CHODL: variants seen among roughly 807,000 people sequenced by gnomAD.
The protein encoded by CHODL is transmembrane protein MT75.
CHODL carries 29 observed loss-of-function variants against 34.5 expected under a neutral mutation model. The observed-to-expected ratio is 0.84, with a 90% CI of 0.63 to 1.15. The LOEUF is 1.15. Among genes scored for constraint, CHODL ranks in the 50% most tolerant of loss-of-function variants. CHODL has a pLI of 0.00. For synonymous variants in CHODL, 125 were observed against 116.1 expected, an observed-to-expected ratio of 1.08 and a Z score of -0.49; for missense variants, 332 against 332.5, an observed-to-expected ratio of 1.00 and a Z score of 0.01.
At chr21:18,250,554 A>C (rs1376061746) in intron 1 of CHODL, among the ~76,000 whole-genome samples, 1 of 152,002 alleles carries the variant, frequency 6.6e-6, no homozygotes, top group Non-Finnish European at 1.5e-5. Context: ...TGTAAAAATA[A>C]AAGTTTATTA....
chr21:18,200,790 C>T (rs188363053), intron 2 of CHODL, among the ~76,000 whole-genome samples: 11 of 152,034 alleles, frequency 7.2e-5, no homozygotes, highest in African/African-American at 2.7e-4. Context: ...GCCTTAAATC[C>T]GATGACTTGT....
intron 2 of CHODL, among the ~76,000 whole-genome samples, chr21:18,176,452 A>T (rs1435763651): frequency 3.3e-5 from 5 of 152,214 alleles, no homozygotes; most frequent in Admixed American, 2.6e-4. Flanking sequence ...ACAACAGATA[A>T]AAATGAACAC....
chr21:18,129,519 A>G (rs1021561013), intron 2 of CHODL, among the ~76,000 whole-genome samples: 13 of 152,176 alleles, frequency 8.5e-5, no homozygotes, highest in African/African-American at 2.7e-4. Flanking sequence ...AATTCTATCA[A>G]TTTGAATAAT....
At chr21:17,934,174 A>T (rs2063300647) in intron 1 of CHODL, among the ~76,000 whole-genome samples, 1 of 151,996 alleles carries the variant, frequency 6.6e-6, no homozygotes, top group African/African-American at 2.4e-5. Context: ...CCCAAACCCC[A>T]CCACTATGCA....
chr21:17,946,887 C>A (rs1289667978), intron 1 of CHODL, among the ~76,000 whole-genome samples: 1 of 152,038 alleles, frequency 6.6e-6, no homozygotes, highest in Non-Finnish European at 1.5e-5. Context: ...AGAATTTAAT[C>A]CATTTATTTT....
intron 2 of CHODL, among the ~76,000 whole-genome samples, chr21:18,159,239 A>G (rs1298348723): frequency 6.6e-6 from 1 of 152,230 alleles, no homozygotes; most frequent in Non-Finnish European, 1.5e-5. Context: ...TGTCAATATC[A>G]TCAAGGTTGA....
intron 2 of CHODL, among the ~76,000 whole-genome samples, chr21:18,162,524 C>T (rs531564156): frequency 5.9e-4 from 89 of 151,846 alleles, no homozygotes; most frequent in Non-Finnish European, 8.8e-4. Context: ...ACACTTGTCA[C>T]GTTGGATTAG....
chr21:18,045,875 G>T (rs2064436824), intron 2 of CHODL, among the ~76,000 whole-genome samples: 1 of 151,924 alleles, frequency 6.6e-6, no homozygotes, highest in South Asian at 2.1e-4. Flanking sequence ...CAGTAACAAG[G>T]TGCCATCTGA....
At chr21:18,142,677 T>C (rs909110239) in intron 2 of CHODL, among the ~76,000 whole-genome samples, 5 of 152,120 alleles carry the variant, frequency 3.3e-5, no homozygotes, top group Admixed American at 6.6e-5. Context: ...CATTTTCTAT[T>C]CCAAGAATTT....
At chr21:18,195,214 C>T (rs2073571950) in intron 2 of CHODL, among the ~76,000 whole-genome samples, 1 of 152,022 alleles carries the variant, frequency 6.6e-6, no homozygotes, top group African/African-American at 2.4e-5. Flanking sequence ...GCCACCACAC[C>T]TGGCTAATTT....
chr21:18,216,877 G>A (rs748366136), intron 2 of CHODL, among the ~76,000 whole-genome samples: 4 of 152,030 alleles, frequency 2.6e-5, no homozygotes, highest in Non-Finnish European at 5.9e-5. Flanking sequence ...GGGGGAAACC[G>A]CCCCCATGAT....
chr21:18,086,416 A>G (rs1245683306), intron 2 of CHODL, among the ~76,000 whole-genome samples: 1 of 151,824 alleles, frequency 6.6e-6, no homozygotes. Flanking sequence ...GTAGTGTCAT[A>G]TTTCTCTTTT....
At chr21:17,919,386 C>A (rs964027958) in intron 1 of CHODL, among the ~76,000 whole-genome samples, 1 of 152,188 alleles carries the variant, frequency 6.6e-6, no homozygotes, top group African/African-American at 2.4e-5. Context: ...CAATTCTTGA[C>A]CTCTGTGCAC....
At chr21:17,934,895 G>A (rs1253603236) in intron 1 of CHODL, among the ~76,000 whole-genome samples, 3 of 152,140 alleles carry the variant, frequency 2.0e-5, no homozygotes, top group Admixed American at 6.5e-5. Flanking sequence ...TGAGAAGTTA[G>A]GCCAATAGAC....
chr21:18,246,824 G>A (rs770069141), intron 1 of CHODL, among the ~76,000 whole-genome samples: 1 of 152,052 alleles, frequency 6.6e-6, no homozygotes, highest in Non-Finnish European at 1.5e-5. Flanking sequence ...TTGTTGAAGA[G>A]GTGTATTTTG....
intron 2 of CHODL, among the ~76,000 whole-genome samples, chr21:18,141,483 T>C (rs2072802150): frequency 6.6e-6 from 1 of 151,996 alleles, no homozygotes; most frequent in Admixed American, 6.6e-5. Flanking sequence ...TGAGACATAG[T>C]ATTATCATTA....
At chr21:18,058,859 G>A (rs2146480470) in intron 2 of CHODL, among the ~76,000 whole-genome samples, 1 of 152,196 alleles carries the variant, frequency 6.6e-6, no homozygotes, top group African/African-American at 2.4e-5. Context: ...CATTAACTCA[G>A]AATGGGCAAG....
intron 2 of CHODL, among the ~76,000 whole-genome samples, chr21:18,188,701 T>C (rs1315333505): frequency 1.3e-5 from 2 of 152,202 alleles, no homozygotes; most frequent in African/African-American, 4.8e-5. Context: ...GGAAAAGCCA[T>C]TGTGTTATGG....
chr21:18,193,744 T>TAAAA lies in CHODL; in HGVS notation c.-44-62762_-44-62759dup, dbSNP rs914023702. On this transcript the variant is annotated intron_variant, in intron 2 of 6. Transcript: ENST00000400127. ...ATAAATAAATAAATAAATAAATAAA[T>TAAAA]AAAAAATAAACTTAAAAAAAAGTCC... 1.1e-4 allele frequency among the ~76,000 whole-genome samples: 16 copies of TAAAA among 149,082 alleles called. 1 individual carries two copies. Among genetic ancestry groups the TAAAA allele is most frequent in the East Asian group, 3.9e-4 (2 of 5,084 alleles).
Sources: gnomAD v4.1 joint callset for allele counts (sites outside exome capture counted in the v4.1 genomes callset) on GRCh38, gnomAD v4.1.1 for gene constraint, MANE v1.5 for transcripts, NCBI Gene and HGNC (gene_info 2026-07-23, HGNC 2026-07-21) for gene names.